Variants in CDHR3 observed in about 807,000 individuals in gnomAD.
CDHR3 encodes the protein cadherin-related family member 3.
Under a neutral mutation model 86.6 loss-of-function variants are expected in CDHR3, and 79 were observed. The observed-to-expected ratio is 0.91, with a 90% CI of 0.76 to 1.10. The LOEUF (loss-of-function observed/expected upper bound fraction) is 1.10. CDHR3 is among the 50% of genes least tolerant of loss of function. The pLI is 0.00. For synonymous variants in CDHR3, 421 were observed against 402.4 expected (o/e 1.05, Z -0.55); for missense variants, 1,081 against 1,077.6 (o/e 1.00, Z -0.04).
At chr7:105,975,965 A>G (rs1828746702) in intron 2 of CDHR3, among the ~76,000 whole-genome samples, 1 of 152,184 alleles carries the variant, frequency 6.6e-6, no homozygotes, top group South Asian at 2.1e-4. Context: ...CCTGTAGCAG[A>G]CCTGCGGAAC....
chr7:106,022,594 C>G (rs1836744991), intron 14 of CDHR3, 146 bp downstream of exon 14: 1 of 1,191,594 alleles, frequency 8.4e-7, no homozygotes, highest in East Asian at 2.4e-5. Flanking sequence ...ATGGGCTGGA[C>G]TGGAGTAGCT....
intron 16 of CDHR3, among the ~76,000 whole-genome samples, chr7:106,027,144 C>T (rs1365371787): frequency 6.6e-6 from 1 of 152,126 alleles, no homozygotes; most frequent in Non-Finnish European, 1.5e-5. Context: ...CGCCTGTAAT[C>T]CCAGCACTTT....
chr7:106,014,000 A>T (rs1017709836), intron 9 of CDHR3, among the ~76,000 whole-genome samples: 6 of 151,994 alleles, frequency 3.9e-5, no homozygotes, highest in Non-Finnish European at 8.8e-5. Context: ...TCGCTCTGTC[A>T]CCCAGGCTGG....
At chr7:106,005,879 A>AGG in intron 8 of CDHR3, among the ~76,000 whole-genome samples, 1 of 152,204 alleles carries the variant, frequency 6.6e-6, no homozygotes, top group South Asian at 2.1e-4. Flanking sequence ...CTTTAGATCC[A>AGG]GTCTCCACCC....
At chr7:105,979,381 C>A (rs1410095627) in intron 2 of CDHR3, among the ~76,000 whole-genome samples, 1 of 152,146 alleles carries the variant, frequency 6.6e-6, no homozygotes, top group Non-Finnish European at 1.5e-5. Flanking sequence ...TTTTTCCCCC[C>A]TCGACAATCT....
intron 15 of CDHR3, among the ~76,000 whole-genome samples, chr7:106,025,027 C>T (rs1837151844): frequency 6.6e-6 from 1 of 152,182 alleles, no homozygotes; most frequent in Non-Finnish European, 1.5e-5. Flanking sequence ...CCAAATAATT[C>T]TTGGTGTTTT....
In CDHR3 at chr7:106,020,636, C is replaced by A. The variant is rs1172886680; in HGVS notation, c.1825+92C>A. 7 of 1,400,790 alleles carry A rather than the reference C, an allele frequency of 5.0e-6. No individual in the cohort carries two copies. In the East Asian group the frequency reaches 1.2e-4, roughly 23 times the overall value. 86.8% of individuals were successfully genotyped at this position (1,400,790 alleles called of 1,614,324 possible). On this transcript the variant is annotated intron_variant, in intron 13 of 18. Coordinates refer to ENST00000317716, the MANE Select transcript of CDHR3 (RefSeq NM_152750.5). Reference sequence around the variant, plus strand: ...GTCTGTGCTCACACACTGATCTGGGCAAAGTGGGATGGGAGTTGGGAGGGC... The same window carrying A: ...GTCTGTGCTCACACACTGATCTGGGAAAAGTGGGATGGGAGTTGGGAGGGC...
intron 7 of CDHR3, among the ~76,000 whole-genome samples, chr7:106,002,766 A>T (rs1308236713): frequency 6.6e-6 from 1 of 152,202 alleles, no homozygotes; most frequent in East Asian, 1.9e-4. Context: ...AGTAAAAAGA[A>T]ATAGGAGAAA....
rs1430047896 is a variant in CDHR3 at position 106,017,907 on chromosome 7, G to A, written c.1488G>A (p.Leu496=). 1.2e-6 allele frequency: 2 copies of A among 1,609,202 alleles called. No individual in the cohort carries two copies. Among genetic ancestry groups the A allele is most frequent in the Admixed American group, 3.4e-5 (2 of 59,386 alleles). The change falls in exon 12 of 19, where the codon CTG becomes CTA. Residue 496 remains leucine, a synonymous_variant. Coordinates refer to ENST00000317716, the MANE Select transcript of CDHR3 (RefSeq NM_152750.5). ...AAGACCTCCCCCAGAGCAGCCTCCT[G>A]TACTCCATCTCCACTGGAGGGGCCA... is the stretch of plus-strand genomic sequence containing the variant. The part of the protein sequence containing the change: ...TDKDLPQSSL[L]YSISTGGASL...
intron 8 of CDHR3, among the ~76,000 whole-genome samples, chr7:106,008,678 C>T (rs1400513050): frequency 6.6e-6 from 1 of 152,156 alleles, no homozygotes; most frequent in African/African-American, 2.4e-5. Context: ...CCTTTACGTG[C>T]ATAAATTGAG....
intron 8 of CDHR3, among the ~76,000 whole-genome samples, chr7:106,008,281 G>A (rs1178242493): frequency 6.6e-6 from 1 of 152,136 alleles, no homozygotes; most frequent in African/African-American, 2.4e-5. Flanking sequence ...GAGAAGGAGA[G>A]GAGGGTCAGG....
intron 12 of CDHR3, among the ~76,000 whole-genome samples, chr7:106,018,417 A>G (rs1391191443): frequency 1.3e-5 from 2 of 152,048 alleles, no homozygotes; most frequent in East Asian, 1.9e-4. Context: ...TTGTATTTTT[A>G]GTAGAGACGG....
At chr7:106,027,722 C>T in intron 16 of CDHR3, 1 of 440,030 alleles carries the variant, frequency 2.3e-6, no homozygotes, top group Non-Finnish European at 4.5e-6. Flanking sequence ...ATGCTTAAGG[C>T]ATGTCTCAAC....
At chr7:105,965,938 A>T (rs1826853894) in intron 1 of CDHR3, among the ~76,000 whole-genome samples, 2 of 152,126 alleles carry the variant, frequency 1.3e-5, no homozygotes, top group Admixed American at 1.3e-4. Flanking sequence ...CCAAATGTAG[A>T]GCTTTAGATC....
At chr7:106,017,740 G>C in intron 11 of CDHR3, 106 bp from the exon 12 acceptor site, 1 of 818,026 alleles carries the variant, frequency 1.2e-6, no homozygotes, top group East Asian at 2.7e-5. Context: ...ACAGCAAGGA[G>C]GCCTCCAGAA....
intron 5 of CDHR3, 98 bp downstream of exon 5, chr7:105,994,943 G>T: frequency 1.1e-6 from 1 of 895,602 alleles, no homozygotes. Context: ...CAGCTGGGGG[G>T]AGCCCCTTGA....
In CDHR3 at chr7:106,033,983, C is replaced by A. The variant is rs1838706160; in HGVS notation, c.*1286C>A. 6.6e-6 allele frequency among the ~76,000 whole-genome samples: 1 copy of A among 152,174 alleles called. No individual in the cohort carries two copies. Among genetic ancestry groups the A allele is most frequent in the South Asian group, 2.1e-4 (1 of 4,832 alleles). On this transcript the variant is annotated 3_prime_UTR_variant, in exon 19 of 19. Transcript: ENST00000317716. ...GATTGTCAATCCTTTTAACTTTAGC[C>A]ATTCTGGTTAAAATTACTATTGAAG...
In CDHR3 at chr7:106,032,517, T is replaced by C; in HGVS notation, c.2478T>C (p.Ala826=). The part of the protein sequence containing the change: ...HQGAAPRRVT[A]GEGMGSLRSA... ...GAGCTGCCCCACGCAGAGTCACTGCTGGGGAAGGGATGGGGTCACTGAGAA... is the reference window on the plus strand; with the variant it reads ...GAGCTGCCCCACGCAGAGTCACTGCCGGGGAAGGGATGGGGTCACTGAGAA... Residue 826 remains alanine, a synonymous_variant, in exon 19 of 19, where the codon GCT becomes GCC. Coordinates refer to ENST00000317716, the MANE Select transcript of CDHR3 (RefSeq NM_152750.5). 1 of 1,613,938 alleles carries C rather than the reference T, an allele frequency of 6.2e-7. No homozygotes were observed. Among genetic ancestry groups the C allele is most frequent in the South Asian group, 1.1e-5 (1 of 91,066 alleles).
chr7:106,009,089 A>C (rs982850025), intron 8 of CDHR3, among the ~76,000 whole-genome samples: 2 of 152,202 alleles, frequency 1.3e-5, no homozygotes, highest in Admixed American at 1.3e-4. Context: ...AGAGTCCTGC[A>C]CTTGATAATC....
Sources: gnomAD v4.1 joint callset for allele counts (sites outside exome capture counted in the v4.1 genomes callset) on GRCh38, gnomAD v4.1.1 for gene constraint, MANE v1.5 for transcripts, NCBI Gene and HGNC (gene_info 2026-07-23, HGNC 2026-07-21) for gene names.